Variants in KCNT1 observed in about 807,000 individuals in gnomAD.
KCNT1 encodes potassium channel subfamily T member 1.
In KCNT1, 78 loss-of-function variants were observed where a neutral mutation model predicts 147.8. That is an observed-to-expected ratio of 0.53 (90% CI 0.44 to 0.64). The LOEUF is 0.64. Among genes scored for constraint, KCNT1 ranks in the 30% least tolerant of loss-of-function variants. The probability of loss-of-function intolerance (pLI) is 0.00; values close to 1 mark genes in which losing one functional copy is unlikely to be tolerated. For synonymous variants in KCNT1, 867 were observed against 748.8 expected, an observed-to-expected ratio of 1.16 and a Z score of -2.58; for missense variants, 1,419 against 1,750.3, an observed-to-expected ratio of 0.81 and a Z score of 3.38.
chr9:135,752,155 T>A lies in KCNT1; in HGVS notation c.434+1114T>A. The A allele has an allele frequency of 2.9e-6, 1 of 344,730 alleles. No homozygotes were observed. Among genetic ancestry groups the A allele is most frequent in the South Asian group, 2.2e-5 (1 of 45,296 alleles). 21.4% of individuals were successfully genotyped at this position (344,730 alleles called of 1,614,324 possible). A position where few individuals can be genotyped will look rare whatever the true frequency, so the allele number is the denominator to read the frequency against. On this transcript the variant is annotated intron_variant, in intron 4 of 30. Transcript: ENST00000371757. This position sits in a 1 kb window ranked among gnomAD's most constrained non-coding sequence, Gnocchi z 5.1. The stretch of plus-strand genomic sequence containing the variant: ...GGTTGTCACCATCCAGCCATCGGGG[T>A]GAACCCTGCCAGCATGCTGGTCCCC...
At chr9:135,781,820 T>C (rs1192367121) in intron 24 of KCNT1, among the ~76,000 whole-genome samples, 2 of 152,134 alleles carry the variant, frequency 1.3e-5, no homozygotes, top group Non-Finnish European at 2.9e-5. Flanking sequence ...CAGCGGCTCA[T>C]GCCTGTAATC....
intron 24 of KCNT1, among the ~76,000 whole-genome samples, chr9:135,783,769 T>A (rs1050719765): frequency 1.3e-5 from 2 of 152,206 alleles, no homozygotes; most frequent in Non-Finnish European, 2.9e-5. Context: ...CACCTTCTCA[T>A]CAGAGCCCCA....
chr9:135,759,097 A>C (rs1831721228), intron 10 of KCNT1, among the ~76,000 whole-genome samples: 1 of 152,158 alleles, frequency 6.6e-6, no homozygotes, highest in African/African-American at 2.4e-5. Context: ...CTCATGACAG[A>C]CTGACAGACA....
intron 2 of KCNT1, among the ~76,000 whole-genome samples, chr9:135,732,842 C>T (rs1239791019): frequency 1.3e-5 from 2 of 151,702 alleles, no homozygotes; most frequent in Non-Finnish European, 2.9e-5. Flanking sequence ...CTTCCTGGGG[C>T]TCCATGCCCT....
At chr9:135,732,802 C>CCCTT (rs1157245722) in intron 2 of KCNT1, among the ~76,000 whole-genome samples, 1 of 151,502 alleles carries the variant, frequency 6.6e-6, no homozygotes, top group Non-Finnish European at 1.5e-5. Flanking sequence ...TCTTTTTTCT[C>CCCTT]CCTTCCTTCC....
intron 13 of KCNT1, among the ~76,000 whole-genome samples, chr9:135,767,862 T>C (rs1389326518): frequency 6.6e-6 from 1 of 152,036 alleles, no homozygotes; most frequent in African/African-American, 2.4e-5. Context: ...GGGCAGGCAC[T>C]GCCCTAGGAA....
In KCNT1 at chr9:135,784,849, G is replaced by A; in HGVS notation, c.3116G>A (p.Gly1039Asp). 1 of 1,612,800 alleles carries A rather than the reference G, an allele frequency of 6.2e-7. No individual in the cohort carries two copies. The highest frequency in any genetic ancestry group is 8.5e-7 in the Non-Finnish European group (1 of 1,179,994). Reference sequence around the variant, plus strand: ...TCCTCCAGCGCCGAGATCCCCATTGGCATCTACCGGACAGAGAGCCACGTC... The same window carrying A: ...TCCTCCAGCGCCGAGATCCCCATTGACATCTACCGGACAGAGAGCCACGTC... The part of the protein sequence containing the change: ...LCSSSAEIPI[G>D]IYRTESHVFS... Residue 1039 changes from glycine to aspartate, a missense_variant, in exon 27 of 31, where the codon GGC (glycine) becomes GAC (aspartate). Transcript: ENST00000371757.
chr9:135,733,665 T>G (rs1390871229), intron 2 of KCNT1, among the ~76,000 whole-genome samples: 1 of 138,990 alleles, frequency 7.2e-6, no homozygotes, highest in Non-Finnish European at 1.6e-5. Flanking sequence ...CCTCTCCCAC[T>G]TGGCCAGTTT....
chr9:135,735,484 G>A (rs1425912692), intron 2 of KCNT1, among the ~76,000 whole-genome samples: 4 of 152,204 alleles, frequency 2.6e-5, no homozygotes, highest in African/African-American at 9.6e-5. Flanking sequence ...CCAGGCCCCT[G>A]TGGCACGGGT....
chr9:135,714,640 C>A lies in KCNT1; in HGVS notation c.174C>A (p.Asp58Glu). 2 of 1,477,626 alleles carry A rather than the reference C, an allele frequency of 1.4e-6. No individual in the cohort carries two copies. The highest frequency in any genetic ancestry group is 3.0e-5 in the East Asian group (1 of 32,890). The allele number at this position is 1,477,626 out of a possible 1,614,324, so 91.5% of individuals were successfully genotyped here. ...DTAGFKMSDLDSEVLPLPPRY... is the reference protein window; with the variant it reads ...DTAGFKMSDLESEVLPLPPRY... ...CCGGCTTCAAGATGAGCGACCTGGA[C>A]TCCGAGGTGCTGCCCTTGCCGCCGC... Residue 58 changes from aspartate (D) to glutamate (E), a missense_variant, in exon 2 of 31, where the codon GAC becomes GAA. Around this residue, in one of 5 missense-constraint regions of KCNT1, gnomAD observed 181 missense variants for 155.7 expected, o/e 1.16. Coordinates refer to ENST00000371757, the MANE Select transcript of KCNT1 (RefSeq NM_020822.3). The surrounding 1 kb of genome is among the most constrained non-coding windows in gnomAD (Gnocchi z 6.2).
At chr9:135,768,490 C>G (rs982157019) in intron 13 of KCNT1, 120 bp from the exon 14 acceptor site, 16 of 698,704 alleles carry the variant, frequency 2.3e-5, no homozygotes, top group Non-Finnish European at 3.9e-5. Flanking sequence ...CAGTCTCTTT[C>G]TGTGCACCTG....
intron 7 of KCNT1, 36 bp downstream of exon 7, chr9:135,756,968 T>TTC: frequency 1.2e-6 from 1 of 852,572 alleles, no homozygotes; most frequent in African/African-American, 2.3e-5. Context: ...TCACAGGGGG[T>TTC]CCCCACCCTC....
intron 4 of KCNT1, among the ~76,000 whole-genome samples, chr9:135,751,710 G>A (rs1033800291): frequency 5.3e-5 from 8 of 152,204 alleles, no homozygotes; most frequent in African/African-American, 1.7e-4. Flanking sequence ...GCTCACCTCT[G>A]TGTGGGTCCC....
At chr9:135,708,442 T>C (rs1377337420) in intron 1 of KCNT1, among the ~76,000 whole-genome samples, 1 of 152,254 alleles carries the variant, frequency 6.6e-6, no homozygotes, top group Non-Finnish European at 1.5e-5. Context: ...CCCTAACTTC[T>C]CTGTCAAACA....
intron 24 of KCNT1, among the ~76,000 whole-genome samples, chr9:135,780,147 C>T (rs548449896): frequency 2.8e-4 from 42 of 152,352 alleles, no homozygotes; most frequent in East Asian, 9.7e-4. Flanking sequence ...CCAGCCCCAC[C>T]GCATTCCCCA....
intron 2 of KCNT1, among the ~76,000 whole-genome samples, chr9:135,726,651 C>A (rs1221851698): frequency 6.6e-6 from 1 of 151,904 alleles, no homozygotes; most frequent in East Asian, 1.9e-4. Context: ...CTAATTAATT[C>A]TGTCTCTCCC....
rs1834706399 is a variant in KCNT1, at chr9:135,793,866, A to G, written c.*1705A>G. 6.6e-6 allele frequency: 1 copy of G among 152,236 alleles called. No homozygotes were observed. The highest frequency in any genetic ancestry group is 2.4e-5 in the African/African-American group (1 of 41,450). The allele number at this position is 152,236 out of a possible 1,614,324, so 9.4% of individuals were successfully genotyped here. A position where few individuals can be genotyped will look rare whatever the true frequency, so the allele number is the denominator to read the frequency against. ...GAGCGGCAGGGATTGATGTTGGGCT[A>G]GGGTGGCCAGAGCCTGTCCCAGCAG... On this transcript the variant is annotated 3_prime_UTR_variant, in exon 31 of 31. Coordinates refer to ENST00000371757, the MANE Select transcript of KCNT1 (RefSeq NM_020822.3).
chr9:135,785,004 G>T, intron 27 of KCNT1, 115 bp downstream of exon 27: 1 of 1,451,598 alleles, frequency 6.9e-7, no homozygotes, highest in Non-Finnish European at 9.3e-7. Flanking sequence ...GTGACCCACA[G>T]CATCCCCACC....
chr9:135,704,031 G>A (rs751475991), intron 1 of KCNT1, among the ~76,000 whole-genome samples: 5 of 152,242 alleles, frequency 3.3e-5, no homozygotes, highest in Admixed American at 2.0e-4. Context: ...GCTCGGGAGC[G>A]GGGAGCTGAG....
Sources: allele counts gnomAD v4.1 joint callset (sites outside exome capture counted in the v4.1 genomes callset), GRCh38; gene constraint gnomAD v4.1.1; regional missense constraint gnomAD v4.1.1; non-coding constraint Gnocchi (gnomAD v3.1); transcripts MANE v1.5; gene names NCBI Gene and HGNC (gene_info 2026-07-23, HGNC 2026-07-21).